Variants in FTO observed in about 807,000 individuals in gnomAD.
FTO encodes the protein FTO alpha-ketoglutarate dependent dioxygenase, also known as alpha-ketoglutarate-dependent dioxygenase FTO.
In FTO, 47 loss-of-function variants were observed where a neutral mutation model predicts 63.9. The ratio of observed to expected loss-of-function variants is 0.74; its 90% CI spans 0.58 to 0.94. The LOEUF is 0.94. FTO is among the 40% of genes least tolerant of loss of function. FTO has a pLI of 0.00. For synonymous variants in FTO, 207 were observed against 224.4 expected (o/e 0.92, Z 0.69); for missense variants, 562 against 618.1 (o/e 0.91, Z 0.96).
At chr16:54,008,674 T>A (rs1262951775) in intron 8 of FTO, 1 of 151,986 alleles carries the variant, frequency 6.6e-6, no homozygotes, top group Non-Finnish European at 1.5e-5. Flanking sequence ...TTGCCCTTGT[T>A]AGGAACTACA....
chr16:54,118,799 C>T lies in FTO; in HGVS notation c.*6884C>T, dbSNP rs1469605602. 6.6e-6 allele frequency: 1 copy of T among 152,130 alleles called. No individual in the cohort carries two copies. The highest frequency in any genetic ancestry group is 1.9e-4 in the East Asian group (1 of 5,180). The allele number at this position is 152,130 out of a possible 1,614,324, so 9.4% of individuals were successfully genotyped here. On this transcript the variant is annotated 3_prime_UTR_variant, in exon 9 of 9. Coordinates refer to ENST00000471389, the MANE Select transcript of FTO (RefSeq NM_001080432.3). Reference sequence around the variant, plus strand: ...GTCCACAAGCCAGATCCATCCCCATCCACACAGGTAAAACCACGACTGTGC... The same window carrying T: ...GTCCACAAGCCAGATCCATCCCCATTCACACAGGTAAAACCACGACTGTGC...
intron 1 of FTO, among the ~76,000 whole-genome samples, chr16:53,705,899 A>C (rs2075606498): frequency 6.6e-6 from 1 of 152,196 alleles, no homozygotes; most frequent in African/African-American, 2.4e-5. Context: ...GAATCACTGC[A>C]CCAAAGAAGC....
chr16:53,969,193 C>G (rs533783066), intron 8 of FTO, among the ~76,000 whole-genome samples: 1 of 150,614 alleles, frequency 6.6e-6, no homozygotes, highest in South Asian at 2.1e-4. Context: ...AAGTTGCCAT[C>G]TGTCCTTTAT....
intron 2 of FTO, among the ~76,000 whole-genome samples, chr16:53,822,691 A>ATG (rs1206258464): frequency 1.3e-5 from 2 of 151,916 alleles, no homozygotes; most frequent in African/African-American, 2.4e-5. Context: ...TTGTGTGTAT[A>ATG]TGTGTGTGTG....
At chr16:53,908,285 C>T (rs746236994) in intron 7 of FTO, among the ~76,000 whole-genome samples, 44 of 152,260 alleles carry the variant, frequency 2.9e-4, no homozygotes, top group African/African-American at 9.4e-4. Context: ...CATGCAAACT[C>T]GTAGTAAAGC....
intron 3 of FTO, among the ~76,000 whole-genome samples, chr16:53,826,807 C>T (rs1038577327): frequency 3.9e-5 from 6 of 152,122 alleles, no homozygotes; most frequent in African/African-American, 1.4e-4. Context: ...TTCATACAGC[C>T]GACTGTCTTC....
intron 1 of FTO, among the ~76,000 whole-genome samples, chr16:53,784,820 G>C (rs1388291321): frequency 6.6e-6 from 1 of 152,068 alleles, no homozygotes; most frequent in African/African-American, 2.4e-5. Context: ...TTGCAGATAT[G>C]TTCATATACA....
Position 53,826,249 on chromosome 16 carries a change from T to G in FTO, c.509T>G (p.Leu170Trp), listed in dbSNP as rs754065579. 1 of 1,614,212 alleles carries G rather than the reference T, an allele frequency of 6.2e-7. No individual in the cohort carries two copies. Among genetic ancestry groups the G allele is most frequent in the East Asian group, 2.2e-5 (1 of 44,882 alleles). The change falls in exon 3 of 9, where the codon TTG (leucine) becomes TGG (tryptophan). Residue 170 changes from leucine (L) to tryptophan (W), a missense_variant. Transcript: ENST00000471389. ...KEKANEDAVP[L>W]CMSADFPRVG... ...AAGGCTAATGAGGATGCTGTGCCAT[T>G]GTGTATGTCTGCAGATTTCCCCAGG... is the stretch of plus-strand genomic sequence containing the variant.
At chr16:53,931,992 G>T (rs895278288) in intron 7 of FTO, among the ~76,000 whole-genome samples, 8 of 151,982 alleles carry the variant, frequency 5.3e-5, no homozygotes, top group African/African-American at 1.9e-4. Context: ...GAGCTGGCTG[G>T]ATCTGAATAG....
At chr16:53,854,035 C>T (rs2079898574) in intron 4 of FTO, among the ~76,000 whole-genome samples, 1 of 152,082 alleles carries the variant, frequency 6.6e-6, no homozygotes, top group South Asian at 2.1e-4. Context: ...AAGGTGATAT[C>T]TCATTGTGGT....
At chr16:53,729,608 T>G (rs1275037151) in intron 1 of FTO, among the ~76,000 whole-genome samples, 1 of 152,182 alleles carries the variant, frequency 6.6e-6, no homozygotes, top group African/African-American at 2.4e-5. Flanking sequence ...GCTTGCTGTA[T>G]AGGTTCCTGT....
intron 8 of FTO, chr16:53,998,651 CT>C (rs1438081001): frequency 2.6e-5 from 4 of 152,210 alleles, no homozygotes; most frequent in Non-Finnish European, 5.9e-5. Flanking sequence ...CTCATAAGCC[CT>C]CTCAGTTGGC....
intron 8 of FTO, among the ~76,000 whole-genome samples, chr16:53,967,200 T>C (rs2083215931): frequency 6.6e-6 from 1 of 152,090 alleles, no homozygotes; most frequent in Non-Finnish European, 1.5e-5. Flanking sequence ...AGGTTACTGT[T>C]TGTGCTCTCC....
In FTO at chr16:54,118,889, A is replaced by G. The variant is rs1284800661; in HGVS notation, c.*6974A>G. On this transcript the variant is annotated 3_prime_UTR_variant, in exon 9 of 9. Coordinates refer to ENST00000471389, the MANE Select transcript of FTO (RefSeq NM_001080432.3). ...AAATGCTAAAGTCCTACTCAAGTCC[A>G]AGGGAGAGAAATTATTATTATTCGT... The G allele has an allele frequency of 6.6e-6, 1 of 152,202 alleles. No individual in the cohort carries two copies. The highest frequency in any genetic ancestry group is 1.9e-4 in the East Asian group (1 of 5,194). The allele number at this position is 152,202 out of a possible 1,614,324, so 9.4% of individuals were successfully genotyped here.
chr16:53,860,559 G>A (rs2080141599), intron 4 of FTO, among the ~76,000 whole-genome samples: 1 of 152,140 alleles, frequency 6.6e-6, no homozygotes, highest in South Asian at 2.1e-4. Flanking sequence ...ATGTTGGAAA[G>A]CAAAAAGGGG....
intron 1 of FTO, among the ~76,000 whole-genome samples, chr16:53,808,779 C>CG (rs1248689563): frequency 2.0e-5 from 3 of 152,200 alleles, no homozygotes; most frequent in Non-Finnish European, 4.4e-5. Context: ...GGGACTATAT[C>CG]GGCCCAGAGC....
chr16:53,812,013 A>G (rs1469083077), intron 2 of FTO, among the ~76,000 whole-genome samples: 2 of 152,082 alleles, frequency 1.3e-5, no homozygotes, highest in African/African-American at 4.8e-5. Flanking sequence ...GGGTTTCACC[A>G]TGCTGCCCAG....
chr16:53,887,576 C>A (rs1004407355), intron 6 of FTO, among the ~76,000 whole-genome samples: 5 of 152,144 alleles, frequency 3.3e-5, no homozygotes, highest in Admixed American at 2.0e-4. Context: ...ATCTGAAAAT[C>A]TGAAATCTGA....
chr16:53,899,307 T>C (rs1160251021), intron 7 of FTO, among the ~76,000 whole-genome samples: 2 of 152,114 alleles, frequency 1.3e-5, no homozygotes, highest in Non-Finnish European at 2.9e-5. Context: ...GTTAGAATCA[T>C]AGTGTTTTGT....
Sources: gnomAD v4.1 joint callset for allele counts (sites outside exome capture counted in the v4.1 genomes callset) on GRCh38, gnomAD v4.1.1 for gene constraint, MANE v1.5 for transcripts, NCBI Gene and HGNC (gene_info 2026-07-23, HGNC 2026-07-21) for gene names.